The following COL5A2 variants were observed in gnomAD, a reference collection of about 807,000 sequenced individuals.
The protein encoded by COL5A2 is collagen type V alpha 2 chain.
COL5A2 carries 23 observed loss-of-function variants against 208.2 expected under a neutral mutation model. That is an observed-to-expected ratio of 0.11 (90% confidence interval 0.08 to 0.16). The LOEUF (loss-of-function observed/expected upper bound fraction) is 0.16. COL5A2 is among the 10% of genes least tolerant of loss of function. The pLI is 1.00. For missense variants in COL5A2, 1,590 were observed against 1,956.4 expected (o/e 0.81, Z 3.53); for synonymous variants, 625 against 628.5 (o/e 0.99, Z 0.08).
the COL5A2 span, among the ~76,000 whole-genome samples, chr2:189,263,344 A>T: frequency 1.1e-3 from 165 of 152,230 alleles, no homozygotes; most frequent in African/African-American, 3.9e-3. Flanking sequence ...ATTATAACAG[A>T]ATATATGTGT....
chr2:189,078,759 T>C (rs1406529028), intron 15 of COL5A2, among the ~76,000 whole-genome samples, 190 bp from the exon 16 acceptor site: 1 of 152,154 alleles, frequency 6.6e-6, no homozygotes, highest in East Asian at 1.9e-4. Context: ...CTTACATAAA[T>C]AGATTTCACT....
At chr2:189,430,371 A>C in the COL5A2 span, among the ~76,000 whole-genome samples, 1 of 152,204 alleles carries the variant, frequency 6.6e-6, no homozygotes. Flanking sequence ...CAGGACTAAC[A>C]AAGATGTTAG....
chr2:189,295,845 T>A, the COL5A2 span, among the ~76,000 whole-genome samples: 1 of 152,194 alleles, frequency 6.6e-6, no homozygotes, highest in East Asian at 1.9e-4. Context: ...TGTACTGTTT[T>A]ATAAATTTTG....
the COL5A2 span, among the ~76,000 whole-genome samples, chr2:189,254,378 C>T: frequency 1.3e-5 from 2 of 152,184 alleles, no homozygotes; most frequent in Non-Finnish European, 2.9e-5. Context: ...TATTGGTTGG[C>T]TTAACTTAGT....
the COL5A2 span, among the ~76,000 whole-genome samples, chr2:189,352,779 G>A: frequency 6.6e-6 from 1 of 152,160 alleles, no homozygotes; most frequent in African/African-American, 2.4e-5. Flanking sequence ...CTGTGCAGAA[G>A]CTCTGTAGTT....
chr2:189,321,442 C>T, the COL5A2 span, among the ~76,000 whole-genome samples: 53 of 152,166 alleles, frequency 3.5e-4, no homozygotes, highest in Non-Finnish European at 5.7e-4. Flanking sequence ...CAGAGACACA[C>T]ATAGGCTCAA....
chr2:189,396,754 C>T, the COL5A2 span, among the ~76,000 whole-genome samples: 3 of 149,856 alleles, frequency 2.0e-5, no homozygotes, highest in Admixed American at 6.7e-5. Flanking sequence ...GAGGCCGAGG[C>T]GGGCAGATCA....
chr2:189,346,654 A>G, the COL5A2 span, among the ~76,000 whole-genome samples: 492 of 152,354 alleles, frequency 3.2e-3, 1 homozygote, highest in South Asian at 7.5e-3. Flanking sequence ...CAGAAACCAA[A>G]TTGTTTCCAA....
the COL5A2 span, among the ~76,000 whole-genome samples, chr2:189,365,570 T>C: frequency 6.6e-6 from 1 of 152,178 alleles, no homozygotes; most frequent in African/African-American, 2.4e-5. Context: ...ATCTGTAAAA[T>C]GGAGACAATA....
the COL5A2 span, among the ~76,000 whole-genome samples, chr2:189,283,664 T>C: frequency 6.6e-6 from 1 of 152,048 alleles, no homozygotes; most frequent in Non-Finnish European, 1.5e-5. Context: ...TTGAATCAAG[T>C]ATGAACTTAC....
Position 189,188,614 on chromosome 2 carries a change from A to G in COL5A2, c.-42+36534T>C, listed in dbSNP as rs1266095014. Among the ~76,000 whole-genome samples the G allele has an allele frequency of 2.0e-5, 3 of 152,188 alleles. 1 individual carries two copies. The highest frequency in any genetic ancestry group is 4.8e-5 in the African/African-American group (2 of 41,438). On this transcript the variant is annotated intron_variant, in intron 1 of 10. Coordinates refer to the COL5A2 transcript ENST00000649966. ...TGAGAGAAGCTTTTTAAATGGCAGG[A>G]CTAGGCACAGGCTACAAAGGGGAAA...
chr2:189,199,304 A>T (rs1381045234), intron 1 of COL5A2, among the ~76,000 whole-genome samples: 1 of 152,204 alleles, frequency 6.6e-6, no homozygotes, highest in Non-Finnish European at 1.5e-5. Flanking sequence ...GCACATGACT[A>T]TTGCCAAAAA....
intron 31 of COL5A2, among the ~76,000 whole-genome samples, chr2:189,060,236 C>T (rs1056517325): frequency 6.6e-6 from 1 of 152,052 alleles, no homozygotes; most frequent in Non-Finnish European, 1.5e-5. Context: ...TGTAATTGTC[C>T]TATACTCTCT....
the COL5A2 span, among the ~76,000 whole-genome samples, chr2:189,422,676 T>C: frequency 6.6e-6 from 1 of 152,144 alleles, no homozygotes; most frequent in Admixed American, 6.5e-5. Context: ...ACATTAAGCA[T>C]TTTTTCTGAC....
the COL5A2 span, among the ~76,000 whole-genome samples, chr2:189,365,148 T>G: frequency 6.6e-6 from 1 of 152,238 alleles, no homozygotes. Context: ...TTTCTCAGTT[T>G]AAATATTCAC....
intron 50 of COL5A2, 138 bp downstream of exon 50, chr2:189,041,448 A>G: frequency 1.3e-6 from 1 of 745,916 alleles, no homozygotes; most frequent in Non-Finnish European, 2.5e-6. Context: ...ATAGTTACTT[A>G]TACTCTTGTG....
chr2:189,233,280 G>T, the COL5A2 span, among the ~76,000 whole-genome samples: 3 of 151,702 alleles, frequency 2.0e-5, no homozygotes, highest in East Asian at 1.9e-4. Context: ...GATAAACAGG[G>T]TTTTAAATGC....
intron 10 of COL5A2, 133 bp downstream of exon 10, chr2:189,085,586 C>T (rs1406851322): frequency 1.4e-6 from 1 of 733,652 alleles, no homozygotes; most frequent in East Asian, 2.7e-5. Flanking sequence ...GTTCATAGAA[C>T]AGGACTCCCA....
At chr2:189,188,400 G>A (rs1688881698) in intron 1 of COL5A2, among the ~76,000 whole-genome samples, 1 of 152,128 alleles carries the variant, frequency 6.6e-6, no homozygotes, top group Non-Finnish European at 1.5e-5. Context: ...GCTGTTGCAC[G>A]TATAAGCAGT....
Sources: gnomAD v4.1 joint callset for allele counts (sites outside exome capture counted in the v4.1 genomes callset) on GRCh38, gnomAD v4.1.1 for gene constraint, MANE v1.5 for transcripts, NCBI Gene and HGNC (gene_info 2026-07-23, HGNC 2026-07-21) for gene names.